TMEM163: variants seen among roughly 807,000 people sequenced by gnomAD.
The protein encoded by TMEM163 is transmembrane protein 163.
A neutral mutation model predicts 29.3 loss-of-function variants in TMEM163; 17 were observed. That is an observed-to-expected ratio of 0.58 (90% CI 0.40 to 0.87). TMEM163 has a LOEUF of 0.87. Among genes scored for constraint, TMEM163 ranks in the 40% least tolerant of loss-of-function variants. TMEM163 has a pLI of 0.00. For missense variants in TMEM163, 303 were observed against 381.5 expected (o/e 0.79, Z 1.71); for synonymous variants, 157 against 160.6 (o/e 0.98, Z 0.17).
At chr2:134,505,029 C>T (rs1013745034) in intron 4 of TMEM163, among the ~76,000 whole-genome samples, 9 of 152,138 alleles carry the variant, frequency 5.9e-5, no homozygotes, top group Non-Finnish European at 8.8e-5. Flanking sequence ...CCTATGAGCA[C>T]ATGTGCATGA....
At chr2:134,663,629 G>A (rs930070335) in intron 2 of TMEM163, among the ~76,000 whole-genome samples, 1 of 152,234 alleles carries the variant, frequency 6.6e-6, no homozygotes, top group Admixed American at 6.5e-5. Flanking sequence ...TTTGTTCCAT[G>A]TCAGGCATGA....
At chr2:134,568,141 G>T (rs1302737685) in intron 2 of TMEM163, among the ~76,000 whole-genome samples, 1 of 152,088 alleles carries the variant, frequency 6.6e-6, no homozygotes, top group Non-Finnish European at 1.5e-5. Context: ...TATATTGTGG[G>T]GTGCCCCAGA....
At chr2:134,606,298 G>A (rs1031635889) in intron 2 of TMEM163, among the ~76,000 whole-genome samples, 11 of 151,196 alleles carry the variant, frequency 7.3e-5, no homozygotes, top group East Asian at 5.8e-4. Context: ...AGCTAAGACC[G>A]CACCATTGCA....
chr2:134,561,524 AT>A (rs1215874147), intron 2 of TMEM163, among the ~76,000 whole-genome samples: 1 of 148,040 alleles, frequency 6.8e-6, no homozygotes, highest in Non-Finnish European at 1.5e-5. Context: ...TTTTTTTTGT[AT>A]TTTTTAGTGG....
intron 2 of TMEM163, among the ~76,000 whole-genome samples, chr2:134,631,537 G>A (rs1374181645): frequency 6.6e-6 from 1 of 152,104 alleles, no homozygotes; most frequent in Non-Finnish European, 1.5e-5. Context: ...ATTTATCCAG[G>A]CCCACTTTAC....
chr2:134,599,741 C>A (rs146949410), intron 2 of TMEM163, among the ~76,000 whole-genome samples: 1 of 150,530 alleles, frequency 6.6e-6, no homozygotes, highest in Non-Finnish European at 1.5e-5. Flanking sequence ...CCATGTTGCC[C>A]GGGCTGGTCT....
intron 2 of TMEM163, among the ~76,000 whole-genome samples, chr2:134,554,384 C>T (rs955647620): frequency 6.8e-6 from 1 of 147,536 alleles, no homozygotes. Flanking sequence ...CGAGATCACG[C>T]CACTGCCCCA....
chr2:134,694,258 A>G (rs184602483), intron 2 of TMEM163, among the ~76,000 whole-genome samples: 45 of 152,334 alleles, frequency 3.0e-4, no homozygotes, highest in African/African-American at 1.0e-3. Context: ...AAGCTTTCTG[A>G]AATTGGGACT....
Position 134,589,919 on chromosome 2 carries a change from A to G in TMEM163, c.323-37828T>C, listed in dbSNP as rs192091697. ...TGCCTATTGTGAACAGCACACTGGT[A>G]ATACAAACATCAATAAGACTCCTCC... On this transcript the variant is annotated intron_variant, in intron 2 of 7. Transcript: ENST00000281924. Among the ~76,000 whole-genome samples the G allele has an allele frequency of 1.2e-4, 18 of 152,256 alleles. No individual in the cohort carries two copies. The East Asian group carries it at 3.3e-3, about 28-fold the overall frequency.
At chr2:134,663,681 T>C (rs1683807231) in intron 2 of TMEM163, among the ~76,000 whole-genome samples, 1 of 152,240 alleles carries the variant, frequency 6.6e-6, no homozygotes, top group African/African-American at 2.4e-5. Context: ...TCCTTCCTCA[T>C]CTTCCTGCAT....
intron 2 of TMEM163, among the ~76,000 whole-genome samples, chr2:134,610,460 G>A (rs990438906): frequency 2.6e-5 from 4 of 152,202 alleles, no homozygotes; most frequent in Non-Finnish European, 5.9e-5. Flanking sequence ...CAATTTAGTG[G>A]TCTGGGGGGA....
At chr2:134,555,845 T>G (rs1681037446) in intron 2 of TMEM163, among the ~76,000 whole-genome samples, 1 of 152,202 alleles carries the variant, frequency 6.6e-6, no homozygotes. Context: ...ATCCTGATTC[T>G]CCTCTGGGAA....
intron 2 of TMEM163, among the ~76,000 whole-genome samples, chr2:134,675,192 G>T (rs888258547): frequency 2.0e-5 from 3 of 152,252 alleles, no homozygotes; most frequent in Non-Finnish European, 4.4e-5. Flanking sequence ...CCATTCTCAG[G>T]AAAGTTTCCT....
rs555609328 is a variant in TMEM163 at position 134,533,375 on chromosome 2, G to A, written c.458+17195C>T. The stretch of plus-strand genomic sequence containing the variant: ...TGTTTGTGTGTGTGCACGTGCACAC[G>A]TGTAAAGCATATGGGTGTGCATCAC... On this transcript the variant is annotated intron_variant, in intron 4 of 7. Coordinates refer to ENST00000281924, the MANE Select transcript of TMEM163 (RefSeq NM_030923.5). Among the ~76,000 whole-genome samples, 14 of 152,322 alleles carry A rather than the reference G, an allele frequency of 9.2e-5. 1 individual carries two copies. The highest frequency in any genetic ancestry group is 4.1e-4 in the South Asian group (2 of 4,824).
At chr2:134,550,760 G>A (rs1680899878) in intron 3 of TMEM163, 99 bp from the exon 4 acceptor site, 4 of 1,156,152 alleles carry the variant, frequency 3.5e-6, no homozygotes, top group Non-Finnish European at 5.2e-6. Context: ...ACATCTGCAT[G>A]AGTAAACTCT....
intron 3 of TMEM163, among the ~76,000 whole-genome samples, chr2:134,551,839 C>T (rs955948157): frequency 6.6e-6 from 1 of 152,200 alleles, no homozygotes; most frequent in African/African-American, 2.4e-5. Context: ...TGTGGTTCCC[C>T]CCAATCTGTG....
At chr2:134,694,935 C>T (rs1684545166) in intron 2 of TMEM163, among the ~76,000 whole-genome samples, 1 of 152,094 alleles carries the variant, frequency 6.6e-6, no homozygotes, top group Non-Finnish European at 1.5e-5. Flanking sequence ...AATACAAACT[C>T]CACGGTTTTC....
At chr2:134,628,049 G>T (rs1682891210) in intron 2 of TMEM163, among the ~76,000 whole-genome samples, 1 of 152,018 alleles carries the variant, frequency 6.6e-6, no homozygotes, top group South Asian at 2.1e-4. Flanking sequence ...AAAAATGTGG[G>T]GAAATGTCAA....
In TMEM163 at chr2:134,696,051, C is replaced by CA. The variant is rs60333876; in HGVS notation, c.322+17148dup. Reference sequence around the variant, plus strand: ...GGGCAACAAGAGAAAGACACCGTCTCAAAAAAAAAAAAAAAAAGGTTTAAA... The same window carrying CA: ...GGGCAACAAGAGAAAGACACCGTCTCAAAAAAAAAAAAAAAAAAGGTTTAAA... On this transcript the variant is annotated intron_variant, in intron 2 of 7. Transcript: ENST00000281924. Among the ~76,000 whole-genome samples the CA allele has an allele frequency of 6.3e-3, 498 of 78,980 alleles. 3 individuals are homozygous for CA. Among genetic ancestry groups the CA allele is most frequent in the South Asian group, 0.059 (139 of 2,366 alleles). 51.8% of individuals were successfully genotyped at this position (78,980 alleles called of 152,430 possible).
Sources: gnomAD v4.1 joint callset for allele counts (sites outside exome capture counted in the v4.1 genomes callset) on GRCh38, gnomAD v4.1.1 for gene constraint, MANE v1.5 for transcripts, NCBI Gene and HGNC (gene_info 2026-07-23, HGNC 2026-07-21) for gene names.